Variants in AFG2B observed in about 807,000 individuals in gnomAD.
AFG2B encodes ATPase family gene 2 protein homolog B.
At chr15:45,403,549 C>A in the AFG2B span, 2 of 1,587,920 alleles carry the variant, frequency 1.3e-6, no homozygotes, top group South Asian at 1.1e-5. Context: ...TGCCCACTGT[C>A]GGTGGAACCT....
the AFG2B span, among the ~76,000 whole-genome samples, chr15:45,411,957 G>A: frequency 1.3e-5 from 2 of 151,928 alleles, no homozygotes; most frequent in Admixed American, 1.3e-4. Flanking sequence ...AATTAGCCAG[G>A]CGTGGTGGCG....
chr15:45,420,921 G>A, the AFG2B span: 1 of 924,802 alleles, frequency 1.1e-6, no homozygotes, highest in African/African-American at 1.8e-5. Context: ...GAAACCAGAA[G>A]ACGGAGGTTG....
chr15:45,420,757 G>A, the AFG2B span, among the ~76,000 whole-genome samples: 4 of 152,122 alleles, frequency 2.6e-5, no homozygotes, highest in South Asian at 4.1e-4. Flanking sequence ...ACTTTGGGAG[G>A]CTGAAGCAGG....
At chr15:45,412,040 G>A in the AFG2B span, among the ~76,000 whole-genome samples, 1 of 151,854 alleles carries the variant, frequency 6.6e-6, no homozygotes, top group South Asian at 2.1e-4. Flanking sequence ...GGAGGTTGCA[G>A]TGAGCCAAGA....
the AFG2B span, chr15:45,403,273 G>T: frequency 6.3e-7 from 1 of 1,588,998 alleles, no homozygotes. Flanking sequence ...CGAGGAGAAC[G>T]TGCGGCGGGT....
At chr15:45,420,006 A>C in the AFG2B span, among the ~76,000 whole-genome samples, 12 of 149,068 alleles carry the variant, frequency 8.1e-5, no homozygotes, top group African/African-American at 2.2e-4. Context: ...CCAAAAAAAA[A>C]AAAAAAAACA....
At chr15:45,419,203 T>G in the AFG2B span, among the ~76,000 whole-genome samples, 1 of 152,172 alleles carries the variant, frequency 6.6e-6, no homozygotes, top group African/African-American at 2.4e-5. Flanking sequence ...ATCCCAGCAT[T>G]TTGGGAGGCC....
At chr15:45,415,887 C>T in the AFG2B span, 1 of 989,818 alleles carries the variant, frequency 1.0e-6, no homozygotes, top group Non-Finnish European at 1.5e-6. Flanking sequence ...TTTACCTATG[C>T]TGAATTCATC....
the AFG2B span, chr15:45,417,034 A>C: frequency 4.4e-5 from 17 of 384,504 alleles, no homozygotes; most frequent in Admixed American, 4.6e-4. Flanking sequence ...TCTCATATGG[A>C]GAATGTTTCT....
At chr15:45,416,035 C>A in the AFG2B span, 3 of 303,860 alleles carry the variant, frequency 9.9e-6, no homozygotes, top group South Asian at 6.8e-5. Flanking sequence ...TTTTATTTTT[C>A]CTAAGAATGA....
the AFG2B span, chr15:45,407,249 C>T: frequency 3.4e-6 from 4 of 1,182,152 alleles, no homozygotes; most frequent in Non-Finnish European, 4.3e-6. Flanking sequence ...TTTATTCTTT[C>T]CCCCACCAGC....
the AFG2B span, among the ~76,000 whole-genome samples, chr15:45,412,650 A>G: frequency 6.6e-6 from 1 of 152,252 alleles, no homozygotes; most frequent in South Asian, 2.1e-4. Context: ...GCATTTACAA[A>G]TGTAAAAACT....
At chr15:45,418,497 A>T in the AFG2B span, 1 of 1,495,284 alleles carries the variant, frequency 6.7e-7, no homozygotes. Flanking sequence ...ATTTTAATAA[A>T]TCATTGTGTC....
chr15:45,418,545 A>G, the AFG2B span: 1 of 1,575,384 alleles, frequency 6.3e-7, no homozygotes, highest in East Asian at 2.2e-5. Context: ...ACTGTTTTTT[A>G]TTTTGTTCCA....
chr15:45,420,976 G>T, the AFG2B span: 1 of 1,529,958 alleles, frequency 6.5e-7, no homozygotes, highest in East Asian at 2.4e-5. Flanking sequence ...TGGGCAATAA[G>T]AGCAAAACTC....
the AFG2B span, chr15:45,402,901 G>A: frequency 6.3e-7 from 1 of 1,598,348 alleles, no homozygotes; most frequent in Non-Finnish European, 8.5e-7. Context: ...AGGCGCTCCT[G>A]GCCTGGTGGC....
chr15:45,407,927 C>T, the AFG2B span, among the ~76,000 whole-genome samples: 2 of 152,112 alleles, frequency 1.3e-5, no homozygotes, highest in Non-Finnish European at 1.5e-5. Context: ...AGAGTGAAGA[C>T]GACTTCTCTA....
the AFG2B span, chr15:45,418,558 G>T: frequency 1.3e-6 from 2 of 1,591,424 alleles, no homozygotes; most frequent in South Asian, 1.2e-5. Flanking sequence ...TTGTTCCAGG[G>T]CAGGCTTTCT....
chr15:45,402,990 CG>C, the AFG2B span: 1 of 1,591,024 alleles, frequency 6.3e-7, no homozygotes. Context: ...TCAGCCTTGG[CG>C]GGGAGCCTCC....
Sources: allele counts gnomAD v4.1 joint callset (sites outside exome capture counted in the v4.1 genomes callset), GRCh38; gene constraint gnomAD v4.1.1; transcripts MANE v1.5; gene names NCBI Gene and HGNC (gene_info 2026-07-23, HGNC 2026-07-21).